The following SATB1 variants were observed in gnomAD, a reference collection of about 807,000 sequenced individuals.
The protein encoded by SATB1 is DNA-binding protein SATB1.
Under a neutral mutation model 86.9 loss-of-function variants are expected in SATB1, and 11 were observed. The observed-to-expected ratio is 0.13, with a 90% CI of 0.08 to 0.21. The LOEUF (loss-of-function observed/expected upper bound fraction) is 0.21. Ranked by LOEUF, SATB1 falls within the 10% of genes least tolerant of loss-of-function variation. SATB1 has a pLI of 1.00. For synonymous variants in SATB1, 357 were observed against 357.2 expected (o/e 1.00, Z 0.01); for missense variants, 551 against 937.6 (o/e 0.59, Z 5.39).
chr3:18,402,709 A>G (rs1294827045), intron 5 of SATB1, among the ~76,000 whole-genome samples: 1 of 152,096 alleles, frequency 6.6e-6, no homozygotes, highest in East Asian at 1.9e-4. Flanking sequence ...AAACAAAACA[A>G]AAAAAACAGG....
chr3:18,362,836 C>A (rs1316676235), intron 9 of SATB1, among the ~76,000 whole-genome samples: 2 of 62,890 alleles, frequency 3.2e-5, no homozygotes, highest in Non-Finnish European at 3.1e-5. Flanking sequence ...AAAAATATTG[C>A]TGAATATTCA....
At chr3:18,360,735 A>T (rs1694868836) in intron 9 of SATB1, among the ~76,000 whole-genome samples, 1 of 152,156 alleles carries the variant, frequency 6.6e-6, no homozygotes, top group African/African-American at 2.4e-5. Context: ...GTGAAACAGA[A>T]TACATTCAGC....
At chr3:18,419,607 C>G (rs557052534) in intron 2 of SATB1, among the ~76,000 whole-genome samples, 1 of 152,240 alleles carries the variant, frequency 6.6e-6, no homozygotes, top group South Asian at 2.1e-4. Context: ...TTTTATACAG[C>G]CCCAGTGCTT....
chr3:18,392,740 A>G (rs997758363), intron 7 of SATB1, among the ~76,000 whole-genome samples: 3 of 152,048 alleles, frequency 2.0e-5, no homozygotes, highest in Admixed American at 1.3e-4. Context: ...TACTTACTAT[A>G]TTTACTAAAA....
At chr3:18,442,816 G>A (rs1036070688), upstream of SATB1, among the ~76,000 whole-genome samples, 5 of 152,178 alleles carry the variant, frequency 3.3e-5, no homozygotes, top group Admixed American at 1.3e-4. Flanking sequence ...GCCTATTCAT[G>A]CTATTCCTGT....
intron 2 of SATB1, among the ~76,000 whole-genome samples, chr3:18,430,997 A>G (rs1698871441): frequency 6.6e-6 from 1 of 152,206 alleles, no homozygotes; most frequent in Non-Finnish European, 1.5e-5. Flanking sequence ...CTCAGAAACA[A>G]TACTGTTTCA....
chr3:18,438,227 T>C (rs1345689513), intron 1 of SATB1, among the ~76,000 whole-genome samples: 6 of 152,220 alleles, frequency 3.9e-5, no homozygotes, highest in African/African-American at 1.2e-4. Flanking sequence ...AATAAGACTA[T>C]AGAGGAATCT....
intron 7 of SATB1, among the ~76,000 whole-genome samples, chr3:18,388,936 A>T (rs1044132022): frequency 2.0e-5 from 3 of 152,136 alleles, no homozygotes; most frequent in Non-Finnish European, 4.4e-5. Context: ...GAAAACATAC[A>T]AAATAATATT....
At chr3:18,410,195 G>A (rs1359995) in intron 5 of SATB1, among the ~76,000 whole-genome samples, 129,595 of 152,060 alleles carry the variant, frequency 0.85, 55,382 homozygotes, top group East Asian at 0.93. Context: ...CAAAACCAAA[G>A]CACGGTAAAG....
intron 9 of SATB1, among the ~76,000 whole-genome samples, chr3:18,355,677 AACATAATT>A (rs1694596632): frequency 6.6e-6 from 1 of 152,006 alleles, no homozygotes; most frequent in Non-Finnish European, 1.5e-5. Flanking sequence ...AACAAAACAA[AACATAATT>A]ACGTTTTTAA....
intron 7 of SATB1, among the ~76,000 whole-genome samples, chr3:18,389,810 A>G (rs1486656989): frequency 6.6e-6 from 1 of 152,134 alleles, no homozygotes; most frequent in Admixed American, 6.6e-5. Flanking sequence ...GAGAACTTGT[A>G]TGTTATGTAG....
chr3:18,385,953 A>G (rs1559421525), intron 8 of SATB1, among the ~76,000 whole-genome samples: 2 of 152,176 alleles, frequency 1.3e-5, no homozygotes, highest in Admixed American at 1.3e-4. Flanking sequence ...ATTACAAATG[A>G]GATGGTGTGT....
At chr3:18,383,760 T>A (rs1696179119) in intron 8 of SATB1, among the ~76,000 whole-genome samples, 1 of 152,194 alleles carries the variant, frequency 6.6e-6, no homozygotes, top group Non-Finnish European at 1.5e-5. Flanking sequence ...ACAGCACTAA[T>A]TCAAGTGCTC....
intron 2 of SATB1, among the ~76,000 whole-genome samples, chr3:18,431,333 C>T (rs1559465567): frequency 6.6e-6 from 1 of 152,176 alleles, no homozygotes; most frequent in East Asian, 1.9e-4. Context: ...TTAGTTATTT[C>T]CTTCTCCATG....
intron 9 of SATB1, among the ~76,000 whole-genome samples, chr3:18,366,793 C>T (rs1695209480): frequency 6.6e-6 from 1 of 152,100 alleles, no homozygotes. Flanking sequence ...TGGATTCCAA[C>T]AATCAATTCA....
chr3:18,411,269 T>TGTGC (rs1410423101), intron 5 of SATB1, among the ~76,000 whole-genome samples: 2 of 152,122 alleles, frequency 1.3e-5, no homozygotes, highest in Non-Finnish European at 2.9e-5. Context: ...GATGTGTGTG[T>TGTGC]GTGCACGTGT....
intron 1 of SATB1, among the ~76,000 whole-genome samples, chr3:18,421,877 T>C (rs1698415355): frequency 6.7e-6 from 1 of 150,190 alleles, no homozygotes; most frequent in African/African-American, 2.4e-5. Flanking sequence ...AAAACCTTGA[T>C]GATACTGGTA....
chr3:18,398,135 G>T (rs184449602), intron 5 of SATB1, among the ~76,000 whole-genome samples: 3 of 152,170 alleles, frequency 2.0e-5, no homozygotes, highest in Non-Finnish European at 2.9e-5. Context: ...TTTAATAAAT[G>T]CCCGGAAAAC....
At chr3:18,420,652 G>C (rs1482502492) in intron 2 of SATB1, 105 bp downstream of exon 2, 1 of 864,684 alleles carries the variant, frequency 1.2e-6, no homozygotes, top group Non-Finnish European at 1.9e-6. Context: ...GGAGAATAAA[G>C]GCAGAGTATA....
Sources: gnomAD v4.1 joint callset for allele counts (sites outside exome capture counted in the v4.1 genomes callset) on GRCh38, gnomAD v4.1.1 for gene constraint, MANE v1.5 for transcripts, NCBI Gene and HGNC (gene_info 2026-07-23, HGNC 2026-07-21) for gene names.